Variants in SV2C observed in about 807,000 individuals in gnomAD.
The protein encoded by SV2C is solute carrier family 22 member B3.
Under a neutral mutation model 79.7 loss-of-function variants are expected in SV2C, and 49 were observed. The ratio of observed to expected loss-of-function variants is 0.61; its 90% CI spans 0.49 to 0.78. The LOEUF (loss-of-function observed/expected upper bound fraction) is 0.78, where lower values mean the gene tolerates loss of function less well. SV2C is among the 30% of genes least tolerant of loss of function. The pLI is 0.00. For synonymous variants in SV2C, 334 were observed against 333.2 expected (o/e 1.00, Z -0.03); for missense variants, 833 against 912.9 (o/e 0.91, Z 1.13).
chr5:76,190,119 G>A (rs529735628), intron 2 of SV2C, among the ~76,000 whole-genome samples: 1 of 152,286 alleles, frequency 6.6e-6, no homozygotes, highest in Non-Finnish European at 1.5e-5. Flanking sequence ...TTTGTGGGAG[G>A]GGTGGTTACT....
chr5:76,023,800 C>G, the SV2C span, among the ~76,000 whole-genome samples: 1 of 151,642 alleles, frequency 6.6e-6, no homozygotes, highest in African/African-American at 2.4e-5. Context: ...CAGAGACTGG[C>G]CTTCAAAATA....
intron 2 of SV2C, among the ~76,000 whole-genome samples, chr5:76,177,705 T>C (rs1027763196): frequency 6.6e-6 from 1 of 152,116 alleles, no homozygotes; most frequent in African/African-American, 2.4e-5. Context: ...ACAATAGCCA[T>C]TTTATTGTAT....
At chr5:75,975,334 A>G in the SV2C span, among the ~76,000 whole-genome samples, 6 of 152,328 alleles carry the variant, frequency 3.9e-5, no homozygotes, top group South Asian at 2.1e-4. Flanking sequence ...TCAGTTTGAT[A>G]TCTGCCTAAA....
chr5:75,910,802 T>C, the SV2C span: 1 of 1,330,226 alleles, frequency 7.5e-7, no homozygotes, highest in Non-Finnish European at 1.1e-6. Context: ...TGTGACCATC[T>C]TCCAAAACAT....
At chr5:76,032,913 T>C in the SV2C span, among the ~76,000 whole-genome samples, 1 of 152,214 alleles carries the variant, frequency 6.6e-6, no homozygotes, top group Non-Finnish European at 1.5e-5. Flanking sequence ...CACCTGTTGT[T>C]TCCTGACTTT....
At chr5:76,103,221 T>C (rs1441479187) in intron 1 of SV2C, among the ~76,000 whole-genome samples, 2 of 152,308 alleles carry the variant, frequency 1.3e-5, no homozygotes, top group East Asian at 1.9e-4. Context: ...TCATACCTTT[T>C]TGTAGTCACT....
the SV2C span, among the ~76,000 whole-genome samples, chr5:75,959,070 T>C: frequency 1.3e-5 from 2 of 152,088 alleles, no homozygotes; most frequent in East Asian, 1.9e-4. Context: ...ATTTTGTTCA[T>C]TTATGCATAT....
rs140249310 is a variant in SV2C, at chr5:76,314,909, C to G, written c.2001-10455C>G. Among the ~76,000 whole-genome samples the G allele has an allele frequency of 6.6e-5, 10 of 152,304 alleles. 1 individual carries two copies. Among genetic ancestry groups the G allele is most frequent in the East Asian group, 5.8e-4 (3 of 5,180 alleles). On this transcript the variant is annotated intron_variant, in intron 12 of 12. Transcript: ENST00000502798. ...CTCAGTCATTCCATCATTATTTACC[C>G]TGGCCCAGGCCCTCACTCCCTAGCT...
chr5:76,148,401 T>G (rs758383142), intron 2 of SV2C, among the ~76,000 whole-genome samples: 2 of 152,216 alleles, frequency 1.3e-5, no homozygotes, highest in Non-Finnish European at 2.9e-5. Flanking sequence ...TTATTCTTTG[T>G]TATATGGTCA....
At chr5:75,967,189 T>C in the SV2C span, among the ~76,000 whole-genome samples, 12 of 152,018 alleles carry the variant, frequency 7.9e-5, no homozygotes, top group Admixed American at 6.6e-5. Flanking sequence ...CTTTAAAAAT[T>C]AGCCAAGTAT....
intron 4 of SV2C, among the ~76,000 whole-genome samples, chr5:76,258,100 AGT>A (rs1746347618): frequency 1.1e-5 from 1 of 90,838 alleles, no homozygotes; most frequent in Non-Finnish European, 2.2e-5. Flanking sequence ...GTGTGTGTGA[AGT>A]GTGTGGGGGT....
chr5:76,240,033 A>G (rs565656651), intron 4 of SV2C, among the ~76,000 whole-genome samples: 1 of 152,258 alleles, frequency 6.6e-6, no homozygotes, highest in African/African-American at 2.4e-5. Context: ...TTCCTTTCTT[A>G]TGCTTTTTAT....
At chr5:76,291,477 G>T (rs1296271794) in intron 7 of SV2C, 146 bp downstream of exon 7, 2 of 639,246 alleles carry the variant, frequency 3.1e-6, no homozygotes, top group Non-Finnish European at 5.4e-6. Flanking sequence ...CCAGGTAATT[G>T]GATCCCACTC....
chr5:76,209,264 A>T (rs1744697397), intron 3 of SV2C, among the ~76,000 whole-genome samples: 1 of 152,262 alleles, frequency 6.6e-6, no homozygotes, highest in Non-Finnish European at 1.5e-5. Context: ...AGCAGTGAGT[A>T]AATACAGATT....
At chr5:76,352,913 T>C (rs186472717) in intron 12 of SV2C, among the ~76,000 whole-genome samples, 5 of 151,918 alleles carry the variant, frequency 3.3e-5, no homozygotes, top group Admixed American at 2.6e-4. Flanking sequence ...TCTAAGCATA[T>C]TGAAATTCTT....
At chr5:76,336,439 T>A (rs1749327481), downstream of SV2C, among the ~76,000 whole-genome samples, 1 of 137,314 alleles carries the variant, frequency 7.3e-6, no homozygotes, top group Admixed American at 7.2e-5. Flanking sequence ...GCTCCCCACG[T>A]CCCAGACGAT....
chr5:76,110,424 G>T (rs1282781127), intron 1 of SV2C, among the ~76,000 whole-genome samples: 1 of 152,170 alleles, frequency 6.6e-6, no homozygotes, highest in Non-Finnish European at 1.5e-5. Context: ...TACTTGGGTG[G>T]AATTGCTGCA....
At chr5:76,071,062 A>T in the SV2C span, among the ~76,000 whole-genome samples, 1 of 152,224 alleles carries the variant, frequency 6.6e-6, no homozygotes, top group African/African-American at 2.4e-5. Flanking sequence ...CGTGGGATGA[A>T]TGAGAAGGAG....
chr5:76,019,414 A>G, the SV2C span, among the ~76,000 whole-genome samples: 3 of 152,134 alleles, frequency 2.0e-5, no homozygotes, highest in Non-Finnish European at 4.4e-5. Context: ...GAAGAGGAGT[A>G]AAAGAAAGAC....
Sources: allele counts gnomAD v4.1 joint callset (sites outside exome capture counted in the v4.1 genomes callset), GRCh38; gene constraint gnomAD v4.1.1; transcripts MANE v1.5; gene names NCBI Gene and HGNC (gene_info 2026-07-23, HGNC 2026-07-21).